The following ZNF385C variants were observed in gnomAD, a reference collection of about 807,000 sequenced individuals.
ZNF385C encodes zinc finger protein 385C.
In ZNF385C, 28 loss-of-function variants were observed where a neutral mutation model predicts 35.4. The observed-to-expected ratio is 0.79, with a 90% CI of 0.59 to 1.08. ZNF385C has a LOEUF of 1.08. Ranked by LOEUF, ZNF385C falls within the 50% of genes least tolerant of loss-of-function variation. The pLI is 0.00. For synonymous variants in ZNF385C, 248 were observed against 248.2 expected, an observed-to-expected ratio of 1.00 and a Z score of 0.01; for missense variants, 605 against 595.6, an observed-to-expected ratio of 1.02 and a Z score of -0.16.
intron 1 of ZNF385C, among the ~76,000 whole-genome samples, chr17:42,093,109 G>C (rs2053879792): frequency 1.3e-5 from 2 of 152,212 alleles, no homozygotes; most frequent in African/African-American, 4.8e-5. Flanking sequence ...GGAGCGATGG[G>C]GAGGCCACAG....
intron 4 of ZNF385C, among the ~76,000 whole-genome samples, 191 bp from the exon 5 acceptor site, chr17:42,031,975 A>G (rs563743954): frequency 2.0e-5 from 3 of 152,350 alleles, no homozygotes; most frequent in African/African-American, 7.2e-5. Flanking sequence ...GTGTTCTCGC[A>G]CATGAACTCC....
chr17:42,040,955 C>G, intron 2 of ZNF385C: 1 of 1,232,224 alleles, frequency 8.1e-7, no homozygotes, highest in Non-Finnish European at 1.0e-6. Flanking sequence ...GCAGATACGC[C>G]GAAAGCCTGC....
intron 2 of ZNF385C, among the ~76,000 whole-genome samples, chr17:42,046,469 G>A (rs376067139): frequency 1.3e-5 from 2 of 151,934 alleles, no homozygotes; most frequent in Non-Finnish European, 2.9e-5. Flanking sequence ...GCATGGTGGT[G>A]TATGCCTGTA....
At chr17:42,060,449 ACCCTGCACACT>A (rs1400630430) in intron 2 of ZNF385C, among the ~76,000 whole-genome samples, 3 of 151,868 alleles carry the variant, frequency 2.0e-5, no homozygotes, top group Non-Finnish European at 4.4e-5. Flanking sequence ...TCCTCTCCAC[ACCCTGCACACT>A]CCCTGCACAC....
chr17:42,085,842 C>T (rs1555660082), intron 1 of ZNF385C, among the ~76,000 whole-genome samples: 1 of 151,824 alleles, frequency 6.6e-6, no homozygotes, highest in East Asian at 2.0e-4. Context: ...CGTGATCCAC[C>T]CACCTCGGCC....
At chr17:42,057,499 C>CAT (rs1555657616) in intron 2 of ZNF385C, among the ~76,000 whole-genome samples, 26 of 131,718 alleles carry the variant, frequency 2.0e-4, no homozygotes, top group Non-Finnish European at 3.4e-4. Flanking sequence ...TAGGGGTGTG[C>CAT]GCGCGCGCGC....
chr17:42,031,850 G>A (rs541309231), intron 4 of ZNF385C, 66 bp from the exon 5 acceptor site: 776 of 1,516,708 alleles, frequency 5.1e-4, no homozygotes, highest in Non-Finnish European at 5.8e-4. Context: ...CTGTGAACTG[G>A]AGCCCAGCAG....
chr17:42,034,149 G>T (rs2052789320), intron 4 of ZNF385C, 76 bp downstream of exon 4: 2 of 1,166,688 alleles, frequency 1.7e-6, no homozygotes, highest in South Asian at 1.3e-5. Flanking sequence ...CTCCCAGAAG[G>T]ACTCTGAAAG....
At chr17:42,057,499 C>CATGT (rs1555657616) in intron 2 of ZNF385C, among the ~76,000 whole-genome samples, 3 of 131,656 alleles carry the variant, frequency 2.3e-5, no homozygotes, top group Non-Finnish European at 4.8e-5. Context: ...TAGGGGTGTG[C>CATGT]GCGCGCGCGC....
intron 1 of ZNF385C, among the ~76,000 whole-genome samples, chr17:42,082,721 C>G (rs1341568523): frequency 3.9e-5 from 6 of 152,196 alleles, no homozygotes; most frequent in African/African-American, 1.2e-4. Flanking sequence ...TTGGTTGAGT[C>G]TAGGAGTTTG....
At chr17:42,036,667 G>A (rs1281780563) in intron 3 of ZNF385C, among the ~76,000 whole-genome samples, 2 of 152,170 alleles carry the variant, frequency 1.3e-5, no homozygotes, top group African/African-American at 4.8e-5. Flanking sequence ...CAGCACCCAG[G>A]GCCAGCAAGG....
chr17:42,032,639 C>T (rs1278072906), intron 4 of ZNF385C, among the ~76,000 whole-genome samples: 1 of 152,088 alleles, frequency 6.6e-6, no homozygotes, highest in African/African-American at 2.4e-5. Flanking sequence ...TGAGCATTTG[C>T]TATTTGCCAG....
chr17:42,055,996 A>T (rs529663537), intron 2 of ZNF385C, among the ~76,000 whole-genome samples: 2 of 152,312 alleles, frequency 1.3e-5, no homozygotes, highest in African/African-American at 2.4e-5. Context: ...CCTGAAATCC[A>T]CTATAGTCTG....
Position 42,050,996 on chromosome 17 carries a change from T to G in ZNF385C, c.250+11811A>C, listed in dbSNP as rs781843191. ...GATCACGAAGGAGCGGGCGACCAGCTGAAGGTCTGCAGGGCGGGTCAATTA... is the reference window on the plus strand; with the variant it reads ...GATCACGAAGGAGCGGGCGACCAGCGGAAGGTCTGCAGGGCGGGTCAATTA... On this transcript the variant is annotated intron_variant, in intron 2 of 8. Transcript: ENST00000692273. This position sits in a 1 kb window ranked among gnomAD's most constrained non-coding sequence, Gnocchi z 5.6. Among the ~76,000 whole-genome samples, 13 of 151,964 alleles carry G rather than the reference T, an allele frequency of 8.6e-5. No homozygotes were observed. Among genetic ancestry groups the G allele is most frequent in the Middle Eastern group, 3.4e-3 (1 of 294 alleles).
In ZNF385C at chr17:42,066,956, G is replaced by A. The variant is rs538782709; in HGVS notation, c.-2-3898C>T. Among the ~76,000 whole-genome samples the A allele has an allele frequency of 2.0e-5, 3 of 152,172 alleles. No homozygotes were observed. In the East Asian group the frequency reaches 5.8e-4, roughly 29 times the overall value. ...CGGTGGTGGGTGCCTGTAATCCCAG[G>A]TACTCAGGAGGCTGAGGCAAGAGAA... On this transcript the variant is annotated intron_variant, in intron 1 of 8. Coordinates refer to ENST00000692273, the MANE Select transcript of ZNF385C (RefSeq NM_001392013.1).
chr17:42,058,627 GC>G (rs1369174063), intron 2 of ZNF385C, among the ~76,000 whole-genome samples: 1 of 152,132 alleles, frequency 6.6e-6, no homozygotes, highest in Non-Finnish European at 1.5e-5. Flanking sequence ...CCCTCGCCCT[GC>G]CCCCCACCTC....
chr17:42,097,156 T>A (rs1555661032), intron 1 of ZNF385C, among the ~76,000 whole-genome samples: 1 of 152,104 alleles, frequency 6.6e-6, no homozygotes, highest in African/African-American at 2.4e-5. Flanking sequence ...GCAGCCACTC[T>A]ATGAGGTGGG....
chr17:42,036,088 G>A (rs2052850787), intron 3 of ZNF385C, among the ~76,000 whole-genome samples: 1 of 151,802 alleles, frequency 6.6e-6, no homozygotes, highest in African/African-American at 2.4e-5. Flanking sequence ...TCCGCTTCCT[G>A]GGCTCAAGCG....
At chr17:42,057,970 T>C (rs11650582) in intron 2 of ZNF385C, among the ~76,000 whole-genome samples, 119,022 of 151,686 alleles carry the variant, frequency 0.78, 47,340 homozygotes, top group Admixed American at 0.86. Flanking sequence ...ATGAAAGGGC[T>C]TCCTGGGCAG....
Sources: gnomAD v4.1 joint callset for allele counts (sites outside exome capture counted in the v4.1 genomes callset) on GRCh38, gnomAD v4.1.1 for gene constraint, Gnocchi (gnomAD v3.1) non-coding constraint, MANE v1.5 for transcripts, NCBI Gene and HGNC (gene_info 2026-07-23, HGNC 2026-07-21) for gene names.